The following MAP7 variants were observed in gnomAD, a reference collection of about 807,000 sequenced individuals.
MAP7 encodes microtubule associated protein 7, also known as ensconsin.
MAP7 carries 52 observed loss-of-function variants against 94.8 expected under a neutral mutation model. The observed-to-expected ratio is 0.55, with a 90% confidence interval of 0.44 to 0.69. MAP7 has a LOEUF of 0.69. Among genes scored for constraint, MAP7 ranks in the 30% least tolerant of loss-of-function variants. The probability of loss-of-function intolerance (pLI) is 0.00; values close to 1 mark genes in which losing one functional copy is unlikely to be tolerated. For missense variants in MAP7, 940 were observed against 964.6 expected (o/e 0.97, Z 0.34); for synonymous variants, 350 against 357.0 (o/e 0.98, Z 0.22).
chr6:136,365,953 C>G lies in MAP7; in HGVS notation c.1055G>C (p.Gly352Ala). 6.2e-7 allele frequency: 1 copy of G among 1,613,808 alleles called. No homozygotes were observed. The highest frequency in any genetic ancestry group is 1.7e-4 in the Middle Eastern group (1 of 5,914). ...CTGAGCAGGAGCAGCTTTGACTGAG[C>G]CGGGTGGCAAGGAGGATGTCGGTCT... is the stretch of plus-strand genomic sequence containing the variant. ...TPRPTSSLPP[G>A]SVKAAPAQVR... is the part of the protein sequence containing the mutation. The change falls in exon 10 of 18, where the codon GGC (glycine) becomes GCC (alanine). Residue 352 changes from glycine (G) to alanine (A), a missense_variant. Gly to Ala is a moderately conservative substitution (Grantham distance 60, BLOSUM62 0). Transcript: ENST00000354570.
intron 2 of MAP7, among the ~76,000 whole-genome samples, chr6:136,415,122 T>A (rs942174278): frequency 7.9e-5 from 12 of 151,960 alleles, no homozygotes; most frequent in African/African-American, 1.2e-4. Context: ...ATTAAAAAAA[T>A]TTTTTTTGTA....
In MAP7 at chr6:136,343,297, C is replaced by T. The variant is rs1193765583; in HGVS notation, c.*931G>A. ...TCTCATTGCTCTTAAACGAGCAAAA[C>T]CAAATTCTTTTTCTATTTAAAGAAA... On this transcript the variant is annotated 3_prime_UTR_variant, in exon 18 of 18. Coordinates refer to ENST00000354570, the MANE Select transcript of MAP7 (RefSeq NM_003980.6). 5.2e-5 allele frequency: 8 copies of T among 152,604 alleles called. No homozygotes were observed. Among genetic ancestry groups the T allele is most frequent in the Non-Finnish European group, 1.2e-4 (8 of 68,030 alleles). The allele number at this position is 152,604 out of a possible 1,614,324, so 9.5% of individuals were successfully genotyped here.
intron 1 of MAP7, among the ~76,000 whole-genome samples, chr6:136,446,798 T>C (rs1202636740): frequency 6.6e-6 from 1 of 152,248 alleles, no homozygotes; most frequent in Non-Finnish European, 1.5e-5. Context: ...TCACCAACTT[T>C]GGCATATTAG....
At chr6:136,367,732 A>C (rs948836462) in intron 8 of MAP7, among the ~76,000 whole-genome samples, 1 of 152,170 alleles carries the variant, frequency 6.6e-6, no homozygotes, top group Non-Finnish European at 1.5e-5. Flanking sequence ...GGTCCCCAAA[A>C]GTAGGAGGTG....
At chr6:136,464,816 C>T (rs143464564) in intron 1 of MAP7, among the ~76,000 whole-genome samples, 4 of 152,322 alleles carry the variant, frequency 2.6e-5, no homozygotes, top group Non-Finnish European at 4.4e-5. Flanking sequence ...CACTGTTCTA[C>T]GTGCTTGGGA....
intron 7 of MAP7, 115 bp from the exon 8 acceptor site, chr6:136,372,740 G>C: frequency 7.7e-7 from 1 of 1,296,704 alleles, no homozygotes; most frequent in Non-Finnish European, 1.1e-6. Context: ...GAGCAAAGCA[G>C]AGATAGAGAG....
chr6:136,418,142 C>T (rs986009684), intron 2 of MAP7, among the ~76,000 whole-genome samples: 3 of 152,158 alleles, frequency 2.0e-5, no homozygotes, highest in African/African-American at 7.2e-5. Flanking sequence ...AATGGTCGTT[C>T]CAGGATAACA....
At chr6:136,511,379 G>A (rs948509197) in intron 1 of MAP7, among the ~76,000 whole-genome samples, 1 of 152,158 alleles carries the variant, frequency 6.6e-6, no homozygotes, top group Non-Finnish European at 1.5e-5. Flanking sequence ...AATCCAGAGT[G>A]CTGAGGTTTT....
intron 2 of MAP7, among the ~76,000 whole-genome samples, chr6:136,417,645 A>G (rs575410983): frequency 6.6e-6 from 1 of 152,258 alleles, no homozygotes; most frequent in Non-Finnish European, 1.5e-5. Flanking sequence ...TCAAATGAAA[A>G]AACTCAGAGA....
chr6:136,490,783 C>G (rs940951904), intron 1 of MAP7, among the ~76,000 whole-genome samples: 1 of 152,164 alleles, frequency 6.6e-6, no homozygotes, highest in South Asian at 2.1e-4. Context: ...GAGCCAAGCT[C>G]GGCACTAAGG....
At chr6:136,466,110 T>C (rs1420956851) in intron 1 of MAP7, among the ~76,000 whole-genome samples, 2 of 152,178 alleles carry the variant, frequency 1.3e-5, no homozygotes, top group Non-Finnish European at 2.9e-5. Context: ...ACTGTTTACA[T>C]ATCATGAAAA....
rs1582957156 is a variant in MAP7, at chr6:136,453,300, C to A, written c.68-31501G>T. On this transcript the variant is annotated intron_variant, in intron 1 of 17. Transcript: ENST00000354570. The stretch of plus-strand genomic sequence containing the variant: ...CTGATGGCAGCCATTGGCTGTAAAA[C>A]CTGTGTACAACATTCAGTGTATTTC... 5.3e-5 allele frequency among the ~76,000 whole-genome samples: 8 copies of A among 152,136 alleles called. No individual in the cohort carries two copies. The South Asian group carries it at 1.7e-3, about 31-fold the overall frequency.
At position 136,494,456 on chromosome 6, in the gene MAP7, T is replaced by C. The variant is rs184609510; in HGVS notation, c.67+55886A>G. 3.3e-5 allele frequency among the ~76,000 whole-genome samples: 5 copies of C among 152,334 alleles called. No individual in the cohort carries two copies. In the East Asian group the frequency reaches 9.6e-4, roughly 29 times the overall value. ...GGGAGAAATCTCTGACTAGGCAAGA[T>C]AGAAATACTTGTGCAGAAAAATTCA... On this transcript the variant is annotated intron_variant, in intron 1 of 17. Transcript: ENST00000354570.
intron 1 of MAP7, among the ~76,000 whole-genome samples, chr6:136,432,666 G>A (rs1795283600): frequency 6.6e-6 from 1 of 152,092 alleles, no homozygotes; most frequent in Admixed American, 6.6e-5. Context: ...GTTGGTTACA[G>A]AAGGGTTAAA....
At chr6:136,399,282 C>T (rs1783383224) in intron 3 of MAP7, among the ~76,000 whole-genome samples, 1 of 152,168 alleles carries the variant, frequency 6.6e-6, no homozygotes, top group African/African-American at 2.4e-5. Context: ...CAACTAACTC[C>T]CATGACTTGA....
At chr6:136,412,786 GCCGA>G (rs1388002707) in intron 2 of MAP7, among the ~76,000 whole-genome samples, 2 of 152,142 alleles carry the variant, frequency 1.3e-5, no homozygotes, top group African/African-American at 4.8e-5. Context: ...TCACTCTGCT[GCCGA>G]ATTAAAACAA....
intron 16 of MAP7, among the ~76,000 whole-genome samples, chr6:136,348,009 A>G (rs1788150240): frequency 7.1e-6 from 1 of 141,168 alleles, no homozygotes; most frequent in African/African-American, 2.7e-5. Flanking sequence ...ACATGTGCAC[A>G]TGCCCCCCCC....
At chr6:136,413,519 G>A (rs373534578) in intron 2 of MAP7, among the ~76,000 whole-genome samples, 69 of 147,118 alleles carry the variant, frequency 4.7e-4, no homozygotes, top group African/African-American at 1.6e-3. Flanking sequence ...GCGAGACACC[G>A]TCTCAGAAAA....
At chr6:136,413,619 T>A (rs565674115) in intron 2 of MAP7, among the ~76,000 whole-genome samples, 1 of 152,314 alleles carries the variant, frequency 6.6e-6, no homozygotes, top group East Asian at 1.9e-4. Context: ...GTCTTTTTTT[T>A]ATTTTTTACT....
Sources: allele counts gnomAD v4.1 joint callset (sites outside exome capture counted in the v4.1 genomes callset), GRCh38; gene constraint gnomAD v4.1.1; transcripts MANE v1.5; gene names NCBI Gene and HGNC (gene_info 2026-07-23, HGNC 2026-07-21).